The following ZFP57 variants were observed in gnomAD, a reference collection of about 807,000 sequenced individuals.
The protein encoded by ZFP57 is ZFP57 zinc finger protein.
ZFP57 carries 12 observed loss-of-function variants against 15.8 expected under a neutral mutation model. The observed-to-expected ratio is 0.76, with a 90% CI of 0.49 to 1.23. The LOEUF (loss-of-function observed/expected upper bound fraction) is 1.23. Among genes scored for constraint, ZFP57 ranks in the 50% most tolerant of loss-of-function variants. ZFP57 has a pLI of 0.00. For missense variants in ZFP57, 536 were observed against 654.9 expected, an observed-to-expected ratio of 0.82 and a Z score of 1.98; for synonymous variants, 203 against 242.3, an observed-to-expected ratio of 0.84 and a Z score of 1.51.
chr6:29,680,577 G>A (rs1428307008), intron 1 of ZFP57, among the ~76,000 whole-genome samples: 1 of 152,104 alleles, frequency 6.6e-6, no homozygotes, highest in Non-Finnish European at 1.5e-5. Flanking sequence ...TCGCCGCCCT[G>A]GTGGGCGCTC....
Position 29,673,395 on chromosome 6 carries a change from G to A in ZFP57, c.716C>T (p.Thr239Ile), listed in dbSNP as rs1489250818. 6.2e-7 allele frequency: 1 copy of A among 1,613,052 alleles called. No homozygotes were observed. The highest frequency in any genetic ancestry group is 1.1e-5 in the South Asian group (1 of 91,082). Residue 239 changes from threonine (T) to isoleucine (I), a missense_variant, in exon 5 of 5, where the codon ACC becomes ATC. Physicochemically the swap from Thr to Ile is moderately conservative, Grantham distance 89 (BLOSUM62 -1). Transcript: ENST00000376883. This position sits in a 1 kb window ranked among gnomAD's most constrained non-coding sequence, Gnocchi z 4.7. ...ACTTAGTCCAGAAGCATCACAGTAGGTCTTGTCACAGAGCGTGCAACAGAA... is the reference window on the plus strand; with the variant it reads ...ACTTAGTCCAGAAGCATCACAGTAGATCTTGTCACAGAGCGTGCAACAGAA... ...RPFCCTLCDK[T>I]YCDASGLSRH...
chr6:29,679,906 C>CAAA (rs1289068784), intron 1 of ZFP57, among the ~76,000 whole-genome samples: 6 of 128,408 alleles, frequency 4.7e-5, no homozygotes, highest in East Asian at 2.4e-4. Flanking sequence ...AACAAACAAA[C>CAAA]AAACAAAAAA....
intron 1 of ZFP57, among the ~76,000 whole-genome samples, chr6:29,679,905 AC>A (rs1348841524): frequency 0.065 from 6,265 of 96,494 alleles, 240 homozygotes; most frequent in South Asian, 0.2. Flanking sequence ...AAACAAACAA[AC>A]AAACAAAAAA....
At chr6:29,675,781 A>G (rs1772036035) in intron 3 of ZFP57, 152 bp downstream of exon 3, 2 of 951,344 alleles carry the variant, frequency 2.1e-6, no homozygotes, top group South Asian at 2.8e-5. Context: ...TCTCTTTACC[A>G]CTGAGCTTAG....
chr6:29,676,929 C>T lies in ZFP57; in HGVS notation c.75G>A (p.Leu25=), dbSNP rs776910241. 1 of 1,614,220 alleles carries T rather than the reference C, an allele frequency of 6.2e-7. No homozygotes were observed. Among genetic ancestry groups the T allele is most frequent in the Non-Finnish European group, 8.5e-7 (1 of 1,180,036 alleles). ...AGCAATCTCTCTTCATGGCTTCCTG[C>T]AGGGTGGCAGCTACCTCGCCCACCC... is the stretch of plus-strand genomic sequence containing the variant. ...LPWVGEVAAT[L]QEAMKRDCWR... is the part of the protein sequence containing the mutation. The change falls in exon 2 of 5, where the codon CTG becomes CTA. Residue 25 remains leucine (L), a synonymous_variant. Coordinates refer to ENST00000376883, the MANE Select transcript of ZFP57 (RefSeq NM_001109809.5).
chr6:29,675,901 G>C (rs1452260961), intron 3 of ZFP57, 32 bp downstream of exon 3: 1 of 1,612,598 alleles, frequency 6.2e-7, no homozygotes, highest in African/African-American at 1.3e-5. Context: ...CCTTAGGACA[G>C]GGGGCTTGCT....
Position 29,672,988 on chromosome 6 carries a change from G to A in ZFP57, c.1123C>T (p.Pro375Ser). Residue 375 changes from proline to serine, a missense_variant, in exon 5 of 5, where the codon CCA becomes TCA. Pro to Ser is a moderately conservative substitution (Grantham distance 74). Coordinates refer to ENST00000376883, the MANE Select transcript of ZFP57 (RefSeq NM_001109809.5). ...LCQDARSNSH[P>S]VKPSRLNVFC... The stretch of plus-strand genomic sequence containing the variant: ...ACATTGAGTCTTGAGGGCTTCACTG[G>A]ATGAGAGTTGGATCTGGCATCCTGA... The A allele has an allele frequency of 6.2e-7, 1 of 1,613,074 alleles. No homozygotes were observed. The highest frequency in any genetic ancestry group is 1.6e-4 in the Middle Eastern group (1 of 6,062).
At chr6:29,674,866 C>G (rs1232519242) in intron 4 of ZFP57, among the ~76,000 whole-genome samples, 1 of 152,094 alleles carries the variant, frequency 6.6e-6, no homozygotes, top group Non-Finnish European at 1.5e-5. Flanking sequence ...CTTAGATCTT[C>G]AGCCAGCCAG....
chr6:29,673,840 T>A lies in ZFP57; in HGVS notation c.353-82A>T. 1 of 1,566,470 alleles carries A rather than the reference T, an allele frequency of 6.4e-7. No homozygotes were observed. The highest frequency in any genetic ancestry group is 8.8e-7 in the Non-Finnish European group (1 of 1,140,360). On this transcript the variant is annotated intron_variant, in intron 4 of 4. Transcript: ENST00000376883. This position sits in a 1 kb window ranked among gnomAD's most constrained non-coding sequence, Gnocchi z 4.7. ...TTGGCATGGTGGCTCACACCTGTAA[T>A]CCCAGCACTTTGGGAGGCCGAGGCC...
At chr6:29,679,886 A>AAAACAAAC (rs758437381) in intron 1 of ZFP57, among the ~76,000 whole-genome samples, 17 of 148,936 alleles carry the variant, frequency 1.1e-4, no homozygotes, top group Non-Finnish European at 2.5e-4. Context: ...CTCCGTCTCA[A>AAAACAAAC]AAACAAACAA....
rs1474857805 is a variant in ZFP57, at chr6:29,675,936, C to T, written c.247G>A (p.Val83Met). Residue 83 changes from valine to methionine, a missense_variant, in exon 3 of 5, where the codon GTG becomes ATG. Physicochemically the swap from Val to Met is conservative, Grantham distance 21 (BLOSUM62 1). Coordinates refer to ENST00000376883, the MANE Select transcript of ZFP57 (RefSeq NM_001109809.5). ...MSETFKNLTS[V>M]ARIFLHKPEL... ...TGAGGGAAGCCCAGCCTCTTACCCACAGATGTTAGATTCTTAAAGGTTTCC... is the reference window on the plus strand; with the variant it reads ...TGAGGGAAGCCCAGCCTCTTACCCATAGATGTTAGATTCTTAAAGGTTTCC... The T allele has an allele frequency of 6.2e-7, 1 of 1,613,148 alleles. No individual in the cohort carries two copies. The highest frequency in any genetic ancestry group is 1.7e-5 in the Admixed American group (1 of 60,008).
Position 29,675,173 on chromosome 6 carries a change from AAGAG to A in ZFP57, c.352+209_352+212del, listed in dbSNP as rs9278233. On this transcript the variant is annotated intron_variant, in intron 4 of 4. Transcript: ENST00000376883. ...TCTCAAAAAAAAAAAAAAAAAAAAA[AAGAG>A]AGAGAGAGAGAGACTTGGATCTTCA... Among the ~76,000 whole-genome samples the A allele has an allele frequency of 3.3e-3, 346 of 104,998 alleles. 8 individuals carry two copies. Among genetic ancestry groups the A allele is most frequent in the South Asian group, 0.013 (32 of 2,454 alleles). 68.9% of individuals were successfully genotyped at this position (104,998 alleles called of 152,430 possible).
In ZFP57 at chr6:29,672,710, C is replaced by T. The variant is rs1771750302; in HGVS notation, c.1401G>A (p.Leu467=). 6.2e-7 allele frequency: 1 copy of T among 1,612,942 alleles called. No individual in the cohort carries two copies. Among genetic ancestry groups the T allele is most frequent in the Admixed American group, 1.7e-5 (1 of 60,006 alleles). ...DHWRGYKGKD[L]CQSSHHKCRV... ...GGCATTTATGGTGGCTGCTCTGGCA[C>T]AGGTCCTTGCCTTTATAGCCCCTCC... The change falls in exon 5 of 5, where the codon CTG becomes CTA. Residue 467 remains leucine, a synonymous_variant. Coordinates refer to ENST00000376883, the MANE Select transcript of ZFP57 (RefSeq NM_001109809.5).
intron 3 of ZFP57, 118 bp from the exon 4 acceptor site, chr6:29,675,605 T>A: frequency 1.1e-6 from 1 of 888,504 alleles, no homozygotes; most frequent in Non-Finnish European, 1.9e-6. Context: ...CTGGGACATG[T>A]AGATGCGGAA....
chr6:29,677,172 C>CA lies in ZFP57; in HGVS notation c.-170dup. ...CTTCCTGTGACAAATGTATCTGCTC[C>CA]AAGAGGCTGTCTTCCTTTTTTGTTC... On this transcript the variant is annotated 5_prime_UTR_variant, in exon 2 of 5. Transcript: ENST00000376883. 1.2e-6 allele frequency: 1 copy of CA among 830,548 alleles called. No individual in the cohort carries two copies. The highest frequency in any genetic ancestry group is 1.9e-6 in the Non-Finnish European group (1 of 518,296). The allele number at this position is 830,548 out of a possible 1,614,324, so 51.4% of individuals were successfully genotyped here. A position where few individuals can be genotyped will look rare whatever the true frequency, so the allele number is the denominator to read the frequency against.
intron 1 of ZFP57, among the ~76,000 whole-genome samples, chr6:29,679,902 C>G (rs1160735266): frequency 1.1e-5 from 1 of 90,858 alleles, no homozygotes; most frequent in Non-Finnish European, 2.2e-5. Flanking sequence ...AACAAACAAA[C>G]AAACAAACAA....
chr6:29,675,280 C>T, intron 4 of ZFP57, 106 bp downstream of exon 4: 1 of 850,754 alleles, frequency 1.2e-6, no homozygotes. Context: ...GACAGAGGTA[C>T]ACTAGGAGAG....
chr6:29,675,881 G>A (rs1772040787), intron 3 of ZFP57, 52 bp downstream of exon 3: 4 of 1,611,516 alleles, frequency 2.5e-6, no homozygotes, highest in Non-Finnish European at 3.4e-6. Flanking sequence ...GAAACCAGAT[G>A]TTCCAGGGCC....
At chr6:29,678,180 G>C (rs972027000) in intron 1 of ZFP57, among the ~76,000 whole-genome samples, 1 of 152,206 alleles carries the variant, frequency 6.6e-6, no homozygotes, top group African/African-American at 2.4e-5. Context: ...CTCCAGCCTG[G>C]GACATAGAGC....
Sources: allele counts gnomAD v4.1 joint callset (sites outside exome capture counted in the v4.1 genomes callset), GRCh38; gene constraint gnomAD v4.1.1; non-coding constraint Gnocchi (gnomAD v3.1); transcripts MANE v1.5; gene names NCBI Gene and HGNC (gene_info 2026-07-23, HGNC 2026-07-21).